The following SEMA6D variants were observed in gnomAD, a reference collection of about 807,000 sequenced individuals.
SEMA6D encodes the protein semaphorin-6D.
In SEMA6D, 35 loss-of-function variants were observed where a neutral mutation model predicts 106.6. The ratio of observed to expected loss-of-function variants is 0.33; its 90% CI spans 0.25 to 0.44. The LOEUF (loss-of-function observed/expected upper bound fraction) is 0.44, where lower values mean the gene tolerates loss of function less well. Among genes scored for constraint, SEMA6D ranks in the 20% least tolerant of loss-of-function variants. The pLI, the probability that SEMA6D is intolerant of heterozygous loss-of-function variation, is 1.00. For missense variants in SEMA6D, 1,185 were observed against 1,345.9 expected (o/e 0.88, Z 1.87); for synonymous variants, 499 against 487.7 (o/e 1.02, Z -0.31).
rs189517583 is a variant in SEMA6D at position 47,394,299 on chromosome 15, A to G, written c.-238-18094A>G. Among the ~76,000 whole-genome samples, 15 of 152,336 alleles carry G rather than the reference A, an allele frequency of 9.8e-5. No homozygotes were observed. In the East Asian group the frequency reaches 2.7e-3, roughly 27 times the overall value. ...CTCAAACTGAAATGGGCTATCTTTA[A>G]TGGTTTACAAAAAAAGAAAAGAAAA... On this transcript the variant is annotated intron_variant, in intron 1 of 19. Transcript: ENST00000558014.
chr15:47,524,445 A>G (rs1488839061), intron 3 of SEMA6D, among the ~76,000 whole-genome samples: 1 of 152,186 alleles, frequency 6.6e-6, no homozygotes, highest in Non-Finnish European at 1.5e-5. Flanking sequence ...TTTGAGCCTT[A>G]TCAGGGAAAA....
intron 4 of SEMA6D, among the ~76,000 whole-genome samples, chr15:47,699,190 CT>C (rs2145883565): frequency 6.6e-6 from 1 of 152,298 alleles, no homozygotes; most frequent in South Asian, 2.1e-4. Flanking sequence ...TTATTCAACA[CT>C]ATTCAGTGGG....
intron 4 of SEMA6D, among the ~76,000 whole-genome samples, chr15:47,640,966 C>T (rs10519136): frequency 0.31 from 47,129 of 151,900 alleles, 8,791 homozygotes; most frequent in East Asian, 0.47. Flanking sequence ...ACCAATTATT[C>T]TTTATATCCA....
rs746039947 is a variant in SEMA6D at position 47,771,672 on chromosome 15, C to G, written c.3109C>G (p.Leu1037Val). 1 of 1,614,118 alleles carries G rather than the reference C, an allele frequency of 6.2e-7. No individual in the cohort carries two copies. The highest frequency in any genetic ancestry group is 8.5e-7 in the Non-Finnish European group (1 of 1,179,978). Reference sequence around the variant, plus strand: ...GAGCAGCTACACCAGTAATGGCACTCTTCCTAGGACGGGACTAAAGAGGAC... The same window carrying G: ...GAGCAGCTACACCAGTAATGGCACTGTTCCTAGGACGGGACTAAAGAGGAC... ...RQSSYTSNGT[L>V]PRTGLKRTPS... Residue 1037 changes from leucine (L) to valine (V), a missense_variant, in exon 19 of 19, where the codon CTT becomes GTT. Physicochemically the swap from Leu to Val is conservative, Grantham distance 32. Transcript: ENST00000536845.
chr15:47,204,122 G>A (rs1241247335), intron 1 of SEMA6D, among the ~76,000 whole-genome samples: 2 of 152,110 alleles, frequency 1.3e-5, no homozygotes, highest in South Asian at 2.1e-4. Context: ...TCTTATAGGT[G>A]GCCATTCAAG....
chr15:47,539,407 G>GTT (rs34781241), intron 3 of SEMA6D, among the ~76,000 whole-genome samples: 15 of 149,630 alleles, frequency 1.0e-4, no homozygotes, highest in East Asian at 2.0e-4. Flanking sequence ...CCCTGGCTCA[G>GTT]TTTTTTTTTT....
At chr15:47,220,735 G>A (rs2031119748) in intron 1 of SEMA6D, among the ~76,000 whole-genome samples, 1 of 152,138 alleles carries the variant, frequency 6.6e-6, no homozygotes, top group South Asian at 2.1e-4. Context: ...TCTCTCACAG[G>A]TATTTGCAAA....
chr15:47,386,409 A>G (rs1282906039), intron 1 of SEMA6D, among the ~76,000 whole-genome samples: 1 of 152,184 alleles, frequency 6.6e-6, no homozygotes, highest in East Asian at 1.9e-4. Flanking sequence ...CATTAAATGT[A>G]TGAGCATTCA....
chr15:47,220,901 A>G (rs1429983526), intron 1 of SEMA6D, among the ~76,000 whole-genome samples: 1 of 152,220 alleles, frequency 6.6e-6, no homozygotes, highest in Non-Finnish European at 1.5e-5. Flanking sequence ...GATAGATTTG[A>G]TAAACCCTCC....
chr15:47,688,579 G>A (rs1024916675), intron 4 of SEMA6D, among the ~76,000 whole-genome samples: 1 of 152,134 alleles, frequency 6.6e-6, no homozygotes, highest in African/African-American at 2.4e-5. Flanking sequence ...TAAATGAGTA[G>A]GTTAACAAAC....
chr15:47,422,151 A>G (rs943119045), intron 2 of SEMA6D, among the ~76,000 whole-genome samples: 2 of 119,374 alleles, frequency 1.7e-5, no homozygotes, highest in Admixed American at 1.6e-4. Context: ...TAAAATTAAC[A>G]CTCTTATTTT....
chr15:47,525,684 G>A (rs750792702), intron 3 of SEMA6D, among the ~76,000 whole-genome samples: 1 of 152,114 alleles, frequency 6.6e-6, no homozygotes, highest in African/African-American at 2.4e-5. Flanking sequence ...AAAGGCCCCT[G>A]AATTGGCTGG....
chr15:47,317,752 G>C (rs1290032375), intron 1 of SEMA6D, among the ~76,000 whole-genome samples: 2 of 151,996 alleles, frequency 1.3e-5, no homozygotes, highest in African/African-American at 4.8e-5. Flanking sequence ...TAAGGGTAAG[G>C]TGTTTTTTCT....
At chr15:47,465,053 C>T (rs1400084867) in intron 2 of SEMA6D, among the ~76,000 whole-genome samples, 1 of 152,166 alleles carries the variant, frequency 6.6e-6, no homozygotes, top group Non-Finnish European at 1.5e-5. Flanking sequence ...CCCTCCCTGA[C>T]TCCCCTCACC....
intron 1 of SEMA6D, among the ~76,000 whole-genome samples, chr15:47,250,484 A>G (rs1209675470): frequency 6.6e-6 from 1 of 152,184 alleles, no homozygotes; most frequent in Non-Finnish European, 1.5e-5. Flanking sequence ...CCTTTAGCAA[A>G]TCCTGAAAGA....
chr15:47,768,866 C>T (rs1421153122), intron 18 of SEMA6D, 118 bp downstream of exon 18: 2 of 855,896 alleles, frequency 2.3e-6, no homozygotes, highest in South Asian at 2.3e-5. Context: ...GTTGTACCTC[C>T]ACCGCCCCTT....
At chr15:47,726,788 T>C (rs189850260) in intron 1 of SEMA6D, among the ~76,000 whole-genome samples, 1 of 152,342 alleles carries the variant, frequency 6.6e-6, no homozygotes, top group East Asian at 1.9e-4. Context: ...TAAAAATAAA[T>C]GCAGGCTGGC....
chr15:47,724,197 A>G (rs2079595172), intron 1 of SEMA6D, among the ~76,000 whole-genome samples: 1 of 152,252 alleles, frequency 6.6e-6, no homozygotes, highest in Admixed American at 6.5e-5. Flanking sequence ...CAGAGGGAGA[A>G]GAGGAGGCAG....
intron 2 of SEMA6D, among the ~76,000 whole-genome samples, chr15:47,413,326 G>A (rs534251926): frequency 4.2e-4 from 64 of 151,890 alleles, no homozygotes; most frequent in African/African-American, 1.5e-3. Context: ...TCTAGGCCTC[G>A]GTGGATTCTT....
Sources: gnomAD v4.1 joint callset for allele counts (sites outside exome capture counted in the v4.1 genomes callset) on GRCh38, gnomAD v4.1.1 for gene constraint, MANE v1.5 for transcripts, NCBI Gene and HGNC (gene_info 2026-07-23, HGNC 2026-07-21) for gene names.